The following MRPL46 variants were observed in gnomAD, a reference collection of about 807,000 sequenced individuals.
MRPL46 encodes the protein large ribosomal subunit protein mL46.
A neutral mutation model predicts 31.0 loss-of-function variants in MRPL46; 26 were observed. That is an observed-to-expected ratio of 0.84 (90% CI 0.61 to 1.16). The LOEUF is 1.16. MRPL46 is among the 50% of genes most tolerant of loss of function. MRPL46 has a pLI of 0.00. For missense variants in MRPL46, 395 were observed against 340.0 expected, an observed-to-expected ratio of 1.16 and a Z score of -1.27; for synonymous variants, 159 against 141.3, an observed-to-expected ratio of 1.13 and a Z score of -0.89.
chr15:88,465,548 C>T (rs1017998516), intron 2 of MRPL46, 39 bp downstream of exon 2: 11 of 1,505,566 alleles, frequency 7.3e-6, no homozygotes, highest in African/African-American at 1.4e-5. Flanking sequence ...CCAAATACCC[C>T]TTTTCCCTTC....
chr15:88,460,068 C>A, intron 3 of MRPL46: 1 of 608,250 alleles, frequency 1.6e-6, no homozygotes, highest in Non-Finnish European at 2.8e-6. Context: ...TCCAGATTCA[C>A]CAGGCTCACT....
At position 88,465,651 on chromosome 15, in the gene MRPL46, C is replaced by G. The variant is rs114017694; in HGVS notation, c.351G>C (p.Ala117=). The part of the protein sequence containing the change: ...DEEDEQDILL[A]QDLEDMWEQK... ...GCTCCCACATATCTTCCAAATCTTG[C>G]GCCAGCAATATATCCTGTTCATCTT... Residue 117 remains alanine (A), a synonymous_variant, in exon 2 of 4, where the codon GCG becomes GCC. Transcript: ENST00000312475. The G allele has an allele frequency of 1.2e-6, 2 of 1,613,150 alleles. No homozygotes were observed. Among genetic ancestry groups the G allele is most frequent in the Middle Eastern group, 1.7e-4 (1 of 6,058 alleles).
chr15:88,462,445 G>A (rs1381487536), intron 3 of MRPL46: 1 of 152,192 alleles, frequency 6.6e-6, no homozygotes, highest in Non-Finnish European at 1.5e-5. Context: ...AGTACAAACA[G>A]CCAATAAACA....
intron 1 of MRPL46, among the ~76,000 whole-genome samples, chr15:88,466,460 G>A (rs779501183): frequency 6.6e-6 from 1 of 152,170 alleles, no homozygotes; most frequent in Non-Finnish European, 1.5e-5. Context: ...AGCTACTTCT[G>A]CCTTATTCAT....
In MRPL46 at chr15:88,465,700, T is replaced by C. The variant is rs755480177; in HGVS notation, c.302A>G (p.Lys101Arg). ...ALDENQRLAK[K>R]KADLHDEEDE... ...TTCTTCATCATGAAGGTCAGCTTTCTTCTTTGCCAGTCGCTGGTTTTCATC... is the reference window on the plus strand; with the variant it reads ...TTCTTCATCATGAAGGTCAGCTTTCCTCTTTGCCAGTCGCTGGTTTTCATC... The change falls in exon 2 of 4, where the codon AAG becomes AGG. Residue 101 changes from lysine (K) to arginine (R), a missense_variant. Lys to Arg is a conservative substitution (Grantham distance 26). Coordinates refer to ENST00000312475, the MANE Select transcript of MRPL46 (RefSeq NM_022163.4). The C allele has an allele frequency of 5.3e-5, 85 of 1,613,942 alleles. No homozygotes were observed. Among genetic ancestry groups the C allele is most frequent in the Non-Finnish European group, 6.9e-5 (81 of 1,180,032 alleles).
chr15:88,467,262 G>A lies in MRPL46; in HGVS notation c.116C>T (p.Ser39Leu). 1 of 1,614,058 alleles carries A rather than the reference G, an allele frequency of 6.2e-7. No individual in the cohort carries two copies. The highest frequency in any genetic ancestry group is 1.1e-5 in the South Asian group (1 of 91,072). The change falls in exon 1 of 4, where the codon TCA (serine) becomes TTA (leucine). Residue 39 changes from serine to leucine, a missense_variant. Physicochemically the swap from Ser to Leu is moderately radical, Grantham distance 145 (BLOSUM62 -2). Transcript: ENST00000312475. ...CAAGCGCCATGGGGATCCGTTGCTT[G>A]AGGGTGCGGCTGCAAGAGCCAGGCT... ...SRSLALAAAP[S>L]SNGSPWRLLG...
In MRPL46 at chr15:88,465,825, GA is replaced by G. The variant is rs201677695; in HGVS notation, c.229-53del. 0.014 allele frequency: 18,861 copies of G among 1,302,212 alleles called. 1,771 individuals carry two copies. The African/African-American group carries it at 0.24, about 16-fold the overall frequency. 80.7% of individuals were successfully genotyped at this position (1,302,212 alleles called of 1,614,324 possible). ...TACCTTAATCTGGCAAAATTAAAAG[GA>G]AAAAAAAAACAGGAAGAATAAAACA... is the stretch of plus-strand genomic sequence containing the variant. On this transcript the variant is annotated intron_variant, in intron 1 of 3. Coordinates refer to ENST00000312475, the MANE Select transcript of MRPL46 (RefSeq NM_022163.4).
At chr15:88,460,255 C>G (rs917333219) in intron 3 of MRPL46, 1 of 207,170 alleles carries the variant, frequency 4.8e-6, no homozygotes, top group African/African-American at 2.3e-5. Context: ...TCAGCCCAGT[C>G]GCTATCTGTT....
chr15:88,465,799 C>A lies in MRPL46; in HGVS notation c.229-26G>T, dbSNP rs764722793. ...CTGGGAAAATTCAAAGGGCAAAAAA[C>A]TACCTTAATCTGGCAAAATTAAAAG... is the stretch of plus-strand genomic sequence containing the variant. On this transcript the variant is annotated intron_variant, in intron 1 of 3. Coordinates refer to ENST00000312475, the MANE Select transcript of MRPL46 (RefSeq NM_022163.4). The A allele has an allele frequency of 2.6e-6, 4 of 1,535,994 alleles. No homozygotes were observed. In the African/African-American group the frequency reaches 5.6e-5, roughly 22 times the overall value.
chr15:88,465,603 A>C lies in MRPL46; in HGVS notation c.399T>G (p.Leu133=). 6.2e-7 allele frequency: 1 copy of C among 1,606,802 alleles called. No individual in the cohort carries two copies. Among genetic ancestry groups the C allele is most frequent in the South Asian group, 1.1e-5 (1 of 89,566 alleles). The change falls in exon 2 of 4, where the codon CTT becomes CTG. Residue 133 remains leucine (L), a synonymous_variant. Transcript: ENST00000312475. The part of the protein sequence containing the change: ...MWEQKFLQFK[L]GARITEADEK... ...GATCACAACCTGTTATGCGAGCTCCAAGTTTGAACTGTAGAAATTTCTGCT... is the reference window on the plus strand; with the variant it reads ...GATCACAACCTGTTATGCGAGCTCCCAGTTTGAACTGTAGAAATTTCTGCT...
chr15:88,465,523 C>CA, intron 2 of MRPL46, 64 bp downstream of exon 2: 1 of 1,466,030 alleles, frequency 6.8e-7, no homozygotes, highest in Non-Finnish European at 9.1e-7. Flanking sequence ...AAGCAACTGT[C>CA]TTTTATTTGG....
At chr15:88,460,441 AC>A (rs2055468647) in intron 3 of MRPL46, 1 of 154,304 alleles carries the variant, frequency 6.5e-6, no homozygotes, top group African/African-American at 2.4e-5. Context: ...AAAGGCATAA[AC>A]CAAGTTAAAG....
intron 3 of MRPL46, chr15:88,462,777 A>G (rs1268380874): frequency 6.6e-6 from 1 of 152,202 alleles, no homozygotes; most frequent in African/African-American, 2.4e-5. Flanking sequence ...TTTTAAATAT[A>G]CAGTATATAC....
intron 3 of MRPL46, chr15:88,464,069 G>C (rs2055499896): frequency 6.6e-6 from 1 of 152,416 alleles, no homozygotes; most frequent in Admixed American, 6.5e-5. Context: ...GCCATGTCTA[G>C]AGATATTTTT....
rs139502130 is a variant in MRPL46 at position 88,467,274 on chromosome 15, G to C, written c.104C>G (p.Ala35Gly). 2.5e-4 allele frequency: 402 copies of C among 1,613,744 alleles called. No homozygotes were observed. In the African/African-American group the frequency reaches 4.5e-3, roughly 18 times the overall value. The change falls in exon 1 of 4, where the codon GCA (alanine) becomes GGA (glycine). Residue 35 changes from alanine to glycine, a missense_variant. Physicochemically the swap from Ala to Gly is moderately conservative, Grantham distance 60. Transcript: ENST00000312475. ...GSLSSRSLAL[A>G]AAPSSNGSPW... ...GGATCCGTTGCTTGAGGGTGCGGCTGCAAGAGCCAGGCTGCGAGAGCTTAG... is the reference window on the plus strand; with the variant it reads ...GGATCCGTTGCTTGAGGGTGCGGCTCCAAGAGCCAGGCTGCGAGAGCTTAG...
chr15:88,465,285 A>T, intron 2 of MRPL46: 1 of 428,944 alleles, frequency 2.3e-6, no homozygotes, highest in Non-Finnish European at 4.1e-6. Flanking sequence ...ATTTCACATA[A>T]AACACAGGAA....
At chr15:88,462,665 G>A (rs2055488213) in intron 3 of MRPL46, 1 of 152,208 alleles carries the variant, frequency 6.6e-6, no homozygotes, top group Non-Finnish European at 1.5e-5. Context: ...AAAAACTGAA[G>A]TGTGCACATC....
chr15:88,464,263 C>T (rs888438661), intron 3 of MRPL46: 3 of 165,910 alleles, frequency 1.8e-5, no homozygotes, highest in Non-Finnish European at 2.6e-5. Context: ...AAGAGGGTCA[C>T]AGCTAAAGCT....
rs566285010 is a variant in MRPL46, at chr15:88,466,370, G to A, written c.229-597C>T. ...GTGTTTTCCTTAACAACACTTATCA[G>A]GGTCTGCATTTAGTTGTATGATTAT... On this transcript the variant is annotated intron_variant, in intron 1 of 3. Transcript: ENST00000312475. Among the ~76,000 whole-genome samples, 160 of 152,272 alleles carry A rather than the reference G, an allele frequency of 1.1e-3. 1 individual carries two copies. The South Asian group carries it at 0.028, about 27-fold the overall frequency.
Sources: gnomAD v4.1 joint callset for allele counts (sites outside exome capture counted in the v4.1 genomes callset) on GRCh38, gnomAD v4.1.1 for gene constraint, MANE v1.5 for transcripts, NCBI Gene and HGNC (gene_info 2026-07-23, HGNC 2026-07-21) for gene names.